Variants in RERE observed in about 807,000 individuals in gnomAD.
The protein encoded by RERE is arginine-glutamic acid dipeptide repeats protein.
A neutral mutation model predicts 146.1 loss-of-function variants in RERE; 40 were observed. The observed-to-expected ratio is 0.27, with a 90% CI of 0.21 to 0.36. The LOEUF (loss-of-function observed/expected upper bound fraction) is 0.36. Ranked by LOEUF, RERE falls within the 10% of genes least tolerant of loss-of-function variation. The pLI, the probability that RERE is intolerant of heterozygous loss-of-function variation, is 1.00. For synonymous variants in RERE, 1,003 were observed against 866.0 expected (o/e 1.16, Z -2.78); for missense variants, 1,933 against 2,138.7 (o/e 0.90, Z 1.90).
intron 4 of RERE, among the ~76,000 whole-genome samples, chr1:8,565,876 G>A (rs1217410142): frequency 6.6e-6 from 1 of 152,174 alleles, no homozygotes; most frequent in African/African-American, 2.4e-5. Flanking sequence ...GTATCCCAGG[G>A]TTCTGCTCTG....
intron 8 of RERE, among the ~76,000 whole-genome samples, chr1:8,497,957 A>G (rs569446456): frequency 1.3e-5 from 2 of 152,390 alleles, no homozygotes; most frequent in South Asian, 4.1e-4. Flanking sequence ...GATATTTGCT[A>G]AAAAATTAAG....
chr1:8,467,105 C>T (rs943239714), intron 10 of RERE, among the ~76,000 whole-genome samples: 1 of 152,174 alleles, frequency 6.6e-6, no homozygotes, highest in Admixed American at 6.5e-5. Flanking sequence ...TGCTAACTTC[C>T]TAAATAAAAT....
intron 10 of RERE, among the ~76,000 whole-genome samples, chr1:8,491,484 T>C (rs1359519921): frequency 6.6e-6 from 1 of 151,538 alleles, no homozygotes; most frequent in Non-Finnish European, 1.5e-5. Flanking sequence ...CTGGGCATGG[T>C]AGTGCACACC....
At chr1:8,651,370 A>G (rs1169738991) in intron 2 of RERE, among the ~76,000 whole-genome samples, 3 of 152,168 alleles carry the variant, frequency 2.0e-5, no homozygotes, top group South Asian at 2.1e-4. Flanking sequence ...TGATCACGCC[A>G]CTACCCTCCA....
At chr1:8,698,359 T>G (rs573520644) in intron 1 of RERE, among the ~76,000 whole-genome samples, 1 of 152,372 alleles carries the variant, frequency 6.6e-6, no homozygotes, top group South Asian at 2.1e-4. Context: ...AATATACCAC[T>G]GTTTCTACCC....
rs1348030900 is a variant in RERE at position 8,603,960 on chromosome 1, A to AAG, written c.522+10600_522+10601insCT. On this transcript the variant is annotated intron_variant, in intron 4 of 22. Transcript: ENST00000400908. ...TCTCAAAAAAAAAAAAAGAAAAGAA[A>AAG]AAAGAAGAAGTTCCACATGCTGCAA... Among the ~76,000 whole-genome samples, 1,054 of 151,666 alleles carry AAG rather than the reference A, an allele frequency of 6.9e-3. 10 individuals are homozygous for AAG. The highest frequency in any genetic ancestry group is 0.024 in the African/African-American group (1,002 of 41,196).
At chr1:8,476,205 T>C (rs1644754514) in intron 10 of RERE, among the ~76,000 whole-genome samples, 1 of 152,172 alleles carries the variant, frequency 6.6e-6, no homozygotes, top group Non-Finnish European at 1.5e-5. Flanking sequence ...CACACCTCTC[T>C]TCCACAGCCA....
intron 2 of RERE, among the ~76,000 whole-genome samples, chr1:8,632,655 A>C (rs1199527345): frequency 6.6e-6 from 1 of 152,244 alleles, no homozygotes; most frequent in Non-Finnish European, 1.5e-5. Flanking sequence ...TCAGTTTTGT[A>C]AATGCAACTG....
chr1:8,418,223 TG>T (rs1557622133), intron 12 of RERE, among the ~76,000 whole-genome samples: 1 of 152,164 alleles, frequency 6.6e-6, no homozygotes, highest in Non-Finnish European at 1.5e-5. Context: ...GTTCTGATAA[TG>T]GGAAGTGAAT....
chr1:8,538,796 C>G (rs1200734705), intron 7 of RERE, among the ~76,000 whole-genome samples: 3 of 152,168 alleles, frequency 2.0e-5, no homozygotes, highest in Non-Finnish European at 4.4e-5. Context: ...AGAAAGGTCA[C>G]TAAGGGAAGT....
rs369219524 is a variant in RERE at position 8,358,791 on chromosome 1, G to A, written c.3744C>T (p.Pro1248=). The A allele has an allele frequency of 2.2e-5, 36 of 1,612,570 alleles. No homozygotes were observed. The highest frequency in any genetic ancestry group is 5.3e-5 in the African/African-American group (4 of 74,906). ...TIAAVPPYIG[P]DTPALRTLSE... ...TCAGAGTCCGAAGGGCAGGTGTGTC[G>A]GGCCCGATGTAGGGGGGCACAGCAG... Residue 1248 remains proline (P), a synonymous_variant, in exon 20 of 23, where the codon CCC becomes CCT. Transcript: ENST00000400908.
chr1:8,667,609 A>G (rs1242261808), intron 1 of RERE, among the ~76,000 whole-genome samples: 1 of 152,178 alleles, frequency 6.6e-6, no homozygotes, highest in African/African-American at 2.4e-5. Context: ...CCTGAGAGGC[A>G]GAGGTTGCAG....
intron 4 of RERE, among the ~76,000 whole-genome samples, chr1:8,593,045 C>T (rs932586790): frequency 6.6e-6 from 1 of 152,140 alleles, no homozygotes; most frequent in African/African-American, 2.4e-5. Context: ...AGGAACTGGG[C>T]TGTTTGTGGA....
intron 4 of RERE, among the ~76,000 whole-genome samples, chr1:8,614,031 G>A (rs1331118506): frequency 1.3e-5 from 2 of 152,130 alleles, no homozygotes; most frequent in Non-Finnish European, 2.9e-5. Flanking sequence ...ATAACCAAGG[G>A]ATAGCCGTTA....
chr1:8,498,084 G>C (rs1156851913), intron 8 of RERE, among the ~76,000 whole-genome samples: 2 of 152,386 alleles, frequency 1.3e-5, no homozygotes, highest in East Asian at 3.9e-4. Context: ...GTTGAGGCCA[G>C]GCCTGGTGGC....
chr1:8,670,600 C>A (rs1481683968), intron 1 of RERE, among the ~76,000 whole-genome samples: 1 of 152,184 alleles, frequency 6.6e-6, no homozygotes, highest in Non-Finnish European at 1.5e-5. Flanking sequence ...GGCAAGGGAT[C>A]ACTGGACCTA....
intron 8 of RERE, among the ~76,000 whole-genome samples, chr1:8,498,407 T>G (rs1263481731): frequency 6.6e-6 from 1 of 150,742 alleles, no homozygotes; most frequent in Non-Finnish European, 1.5e-5. Context: ...AATTTATATA[T>G]AGTTGAGGCT....
Position 8,619,319 on chromosome 1 carries a change from T to G in RERE, c.397-4633A>C, listed in dbSNP as rs149882554. On this transcript the variant is annotated intron_variant, in intron 3 of 22. Transcript: ENST00000400908. ...CTATCACCCCCAACTCTAAGGAATCTCTGTATCTGGCTTAACTTTAAGGAC... is the reference window on the plus strand; with the variant it reads ...CTATCACCCCCAACTCTAAGGAATCGCTGTATCTGGCTTAACTTTAAGGAC... 4.7e-3 allele frequency among the ~76,000 whole-genome samples: 715 copies of G among 152,276 alleles called. 3 individuals are homozygous for G. Among genetic ancestry groups the G allele is most frequent in the African/African-American group, 0.017 (688 of 41,546 alleles).
chr1:8,368,895 C>T (rs542344134), intron 12 of RERE, among the ~76,000 whole-genome samples: 4 of 150,476 alleles, frequency 2.7e-5, no homozygotes, highest in Non-Finnish European at 4.4e-5. Flanking sequence ...ATTTAGTCCC[C>T]CACCTCAAAA....
Sources: gnomAD v4.1 joint callset for allele counts (sites outside exome capture counted in the v4.1 genomes callset) on GRCh38, gnomAD v4.1.1 for gene constraint, MANE v1.5 for transcripts, NCBI Gene and HGNC (gene_info 2026-07-23, HGNC 2026-07-21) for gene names.